The following PRKCH variants were observed in gnomAD, a reference collection of about 807,000 sequenced individuals.
PRKCH encodes protein kinase C eta.
Under a neutral mutation model 82.5 loss-of-function variants are expected in PRKCH, and 28 were observed. The observed-to-expected ratio is 0.34, with a 90% CI of 0.25 to 0.47. The LOEUF (loss-of-function observed/expected upper bound fraction) is 0.47. PRKCH is among the 20% of genes least tolerant of loss of function. The probability of loss-of-function intolerance (pLI) is 1.00; values close to 1 mark genes in which losing one functional copy is unlikely to be tolerated. For missense variants in PRKCH, 705 were observed against 881.8 expected (o/e 0.80, Z 2.54); for synonymous variants, 322 against 327.4 (o/e 0.98, Z 0.18).
At chr14:61,263,847 T>TTGTGTGTGTGTGTGTGTGTGTGTG (rs56280986) in intron 1 of PRKCH, among the ~76,000 whole-genome samples, 7 of 144,194 alleles carry the variant, frequency 4.9e-5, no homozygotes, top group South Asian at 4.5e-4. Context: ...AGTCAGAGTA[T>TTGTGTGTGTGTGTGTGTGTGTGTG]TGTGTGTGTG....
intron 12 of PRKCH, among the ~76,000 whole-genome samples, chr14:61,532,307 T>C (rs1428429677): frequency 1.3e-5 from 2 of 152,202 alleles, no homozygotes; most frequent in Non-Finnish European, 2.9e-5. Flanking sequence ...CTTGGTACCA[T>C]GAAGGGTAGG....
intron 2 of PRKCH, among the ~76,000 whole-genome samples, chr14:61,418,066 G>A (rs1484478409): frequency 6.6e-6 from 1 of 152,190 alleles, no homozygotes; most frequent in African/African-American, 2.4e-5. Flanking sequence ...ATAGTTCCTG[G>A]AGAAAGATCT....
rs529745096 is a variant in PRKCH, at chr14:61,526,257, G to A, written c.1434-2818G>A. 6.6e-5 allele frequency among the ~76,000 whole-genome samples: 10 copies of A among 152,320 alleles called. No homozygotes were observed. In the South Asian group the frequency reaches 2.1e-3, roughly 32 times the overall value. On this transcript the variant is annotated intron_variant, in intron 10 of 13. Coordinates refer to ENST00000332981, the MANE Select transcript of PRKCH (RefSeq NM_006255.5). ...GACATGGGATTCTGCGTGGAGAAGG[G>A]CTGATTTGGAGCCAGGACTGGGTTT... is the stretch of plus-strand genomic sequence containing the variant.
intron 2 of PRKCH, among the ~76,000 whole-genome samples, chr14:61,441,347 G>C (rs1424567074): frequency 6.6e-6 from 1 of 152,178 alleles, no homozygotes; most frequent in African/African-American, 2.4e-5. Context: ...GCAAGAAAAA[G>C]AGAGCCGGTG....
intron 10 of PRKCH, among the ~76,000 whole-genome samples, chr14:61,523,253 T>C (rs1167768929): frequency 6.6e-6 from 1 of 151,898 alleles, no homozygotes; most frequent in Non-Finnish European, 1.5e-5. Context: ...ATGCACAAGC[T>C]AAGAAAAAAA....
At chr14:61,318,501 T>C (rs2045582060), upstream of PRKCH, among the ~76,000 whole-genome samples, 1 of 151,376 alleles carries the variant, frequency 6.6e-6, no homozygotes, top group Non-Finnish European at 1.5e-5. Flanking sequence ...CACCACACCT[T>C]GTCTCATGCC....
chr14:61,222,133 T>C (rs1177451883), intron 1 of PRKCH, among the ~76,000 whole-genome samples: 1 of 152,236 alleles, frequency 6.6e-6, no homozygotes, highest in Non-Finnish European at 1.5e-5. Flanking sequence ...CCCTTTCTAA[T>C]CACAGAAAAG....
intron 1 of PRKCH, among the ~76,000 whole-genome samples, chr14:61,339,772 C>G (rs2045908866): frequency 6.7e-6 from 1 of 149,944 alleles, no homozygotes; most frequent in East Asian, 2.0e-4. Context: ...ACCTTAACTC[C>G]TAGGCTCAAG....
At chr14:61,422,686 G>A (rs889124547) in intron 2 of PRKCH, among the ~76,000 whole-genome samples, 1 of 152,186 alleles carries the variant, frequency 6.6e-6, no homozygotes, top group Non-Finnish European at 1.5e-5. Context: ...CCGTCTAGTT[G>A]TGTGTCCTTC....
At chr14:61,354,175 A>G (rs1395542495) in intron 1 of PRKCH, among the ~76,000 whole-genome samples, 1 of 152,210 alleles carries the variant, frequency 6.6e-6, no homozygotes, top group Non-Finnish European at 1.5e-5. Context: ...CATATATGGA[A>G]TATAGATGAG....
intron 1 of PRKCH, chr14:61,187,804 T>C (rs1212510244): frequency 6.6e-6 from 1 of 152,234 alleles, no homozygotes; most frequent in African/African-American, 2.4e-5. Flanking sequence ...TATTGTAACC[T>C]TAACAAAATC....
chr14:61,281,488 A>T, intron 1 of PRKCH: 1 of 190,434 alleles, frequency 5.3e-6, no homozygotes, highest in African/African-American at 2.4e-5. Context: ...CTCTCAGTCC[A>T]GGTCATCGGA....
At chr14:61,308,468 T>C (rs1298031302) in intron 1 of PRKCH, among the ~76,000 whole-genome samples, 1 of 152,214 alleles carries the variant, frequency 6.6e-6, no homozygotes, top group African/African-American at 2.4e-5. Flanking sequence ...AGTTTCATCT[T>C]AGTACTCAGT....
chr14:61,198,225 A>G (rs1167605442), intron 1 of PRKCH, among the ~76,000 whole-genome samples: 5 of 152,160 alleles, frequency 3.3e-5, no homozygotes, highest in African/African-American at 1.2e-4. Context: ...CTGGCTATTT[A>G]TTTAACAACA....
chr14:61,512,375 G>C (rs1318883739), intron 10 of PRKCH, among the ~76,000 whole-genome samples: 1 of 151,416 alleles, frequency 6.6e-6, no homozygotes. Flanking sequence ...TGAGGTTCTG[G>C]AACTGTGTTC....
chr14:61,311,553 G>A (rs2045523926), intron 1 of PRKCH, among the ~76,000 whole-genome samples: 1 of 152,188 alleles, frequency 6.6e-6, no homozygotes, highest in African/African-American at 2.4e-5. Context: ...TCCAACGTCT[G>A]CGTGTTACCC....
At chr14:61,362,226 G>C (rs1433838739) in intron 1 of PRKCH, among the ~76,000 whole-genome samples, 1 of 151,740 alleles carries the variant, frequency 6.6e-6, no homozygotes, top group East Asian at 1.9e-4. Context: ...TGTAGTCCCA[G>C]CTACTTGGGA....
intron 2 of PRKCH, among the ~76,000 whole-genome samples, chr14:61,405,305 A>G (rs1458587150): frequency 3.3e-5 from 5 of 152,206 alleles, no homozygotes; most frequent in African/African-American, 1.2e-4. Flanking sequence ...GATTATTAAG[A>G]AATTACTCTT....
intron 1 of PRKCH, among the ~76,000 whole-genome samples, chr14:61,362,896 G>C (rs2046248277): frequency 6.6e-6 from 1 of 152,222 alleles, no homozygotes; most frequent in African/African-American, 2.4e-5. Flanking sequence ...AATGATTGGT[G>C]TTGAACAGGG....
Sources: allele counts gnomAD v4.1 joint callset (sites outside exome capture counted in the v4.1 genomes callset), GRCh38; gene constraint gnomAD v4.1.1; transcripts MANE v1.5; gene names NCBI Gene and HGNC (gene_info 2026-07-23, HGNC 2026-07-21).